The following UBE2K variants were observed in gnomAD, a reference collection of about 807,000 sequenced individuals.
The protein encoded by UBE2K is ubiquitin conjugating enzyme E2 K, also known as ubiquitin-conjugating enzyme E2 K.
Under a neutral mutation model 30.0 loss-of-function variants are expected in UBE2K, and 6 were observed. The ratio of observed to expected loss-of-function variants is 0.20; its 90% CI spans 0.11 to 0.39. UBE2K has a LOEUF of 0.39. Among genes scored for constraint, UBE2K ranks in the 10% least tolerant of loss-of-function variants. The probability of loss-of-function intolerance (pLI) is 1.00; values close to 1 mark genes in which losing one functional copy is unlikely to be tolerated. For missense variants in UBE2K, 61 were observed against 241.6 expected (o/e 0.25, Z 4.96); for synonymous variants, 86 against 83.7 (o/e 1.03, Z -0.15).
intron 2 of UBE2K, among the ~76,000 whole-genome samples, chr4:39,739,580 G>C (rs1006789643): frequency 1.3e-5 from 2 of 150,960 alleles, no homozygotes; most frequent in Admixed American, 6.6e-5. Flanking sequence ...CCGAGTAGCT[G>C]GTACTACAGG....
At chr4:39,725,965 A>C (rs937253907) in intron 1 of UBE2K, among the ~76,000 whole-genome samples, 2 of 151,032 alleles carry the variant, frequency 1.3e-5, no homozygotes, top group African/African-American at 4.9e-5. Flanking sequence ...ATAGTATTGT[A>C]AATATTTGGG....
intron 5 of UBE2K, among the ~76,000 whole-genome samples, chr4:39,777,012 A>G (rs1713321032): frequency 6.6e-6 from 1 of 152,220 alleles, no homozygotes; most frequent in African/African-American, 2.4e-5. Context: ...TTTTAAAAGA[A>G]ATATTAAAGT....
chr4:39,752,574 G>T (rs1721326826), intron 3 of UBE2K, among the ~76,000 whole-genome samples: 1 of 151,996 alleles, frequency 6.6e-6, no homozygotes, highest in Non-Finnish European at 1.5e-5. Context: ...CTGACCTTGT[G>T]ATCCACCTGC....
chr4:39,721,435 C>T (rs1719413190), intron 1 of UBE2K, among the ~76,000 whole-genome samples: 1 of 152,124 alleles, frequency 6.6e-6, no homozygotes, highest in Admixed American at 6.5e-5. Flanking sequence ...CTCACTGCGG[C>T]CTCAAACTCC....
intron 1 of UBE2K, among the ~76,000 whole-genome samples, chr4:39,731,572 C>G (rs767377132): frequency 6.6e-6 from 1 of 151,958 alleles, no homozygotes; most frequent in African/African-American, 2.4e-5. Flanking sequence ...ATCCCAGCTA[C>G]TTGGGAGGCT....
rs114736466 is a variant in UBE2K at position 39,734,805 on chromosome 4, G to A, written c.64-2615G>A. 6.3e-3 allele frequency among the ~76,000 whole-genome samples: 965 copies of A among 152,224 alleles called. 10 individuals are homozygous for A. The highest frequency in any genetic ancestry group is 0.022 in the African/African-American group (920 of 41,538). On this transcript the variant is annotated intron_variant, in intron 1 of 6. Coordinates refer to ENST00000261427, the MANE Select transcript of UBE2K (RefSeq NM_005339.5). Reference sequence around the variant, plus strand: ...CAGCCAGGGTGATGGGAGTGAGACCGTGTCTTAAACAAATAATAATAATTT... The same window carrying A: ...CAGCCAGGGTGATGGGAGTGAGACCATGTCTTAAACAAATAATAATAATTT...
At position 39,774,473 on chromosome 4, in the gene UBE2K, C is replaced by G. The variant is rs548619606; in HGVS notation, c.300-361C>G. ...AAAAAAATACAAAAAATTAGCTGGG[C>G]GTTAAGGCGGGCCCCTGTAGTCTCA... On this transcript the variant is annotated intron_variant, in intron 4 of 6. Coordinates refer to ENST00000261427, the MANE Select transcript of UBE2K (RefSeq NM_005339.5). 3.8e-4 allele frequency among the ~76,000 whole-genome samples: 57 copies of G among 148,946 alleles called. 1 individual carries two copies. In the South Asian group the frequency reaches 6.4e-3, roughly 17 times the overall value.
chr4:39,750,463 C>T (rs1229594369), intron 3 of UBE2K, among the ~76,000 whole-genome samples: 2 of 152,088 alleles, frequency 1.3e-5, no homozygotes, highest in African/African-American at 2.4e-5. Context: ...TTCAGATTTC[C>T]GTTTTTATTC....
At chr4:39,721,198 T>TAGAAG (rs2109327217) in intron 1 of UBE2K, among the ~76,000 whole-genome samples, 1 of 152,206 alleles carries the variant, frequency 6.6e-6, no homozygotes, top group Admixed American at 6.5e-5. Context: ...AAAATGAGAG[T>TAGAAG]TTCTTTAGTA....
At chr4:39,723,775 G>C (rs1578438070) in intron 1 of UBE2K, among the ~76,000 whole-genome samples, 1 of 152,088 alleles carries the variant, frequency 6.6e-6, no homozygotes, top group African/African-American at 2.4e-5. Flanking sequence ...TTGTTTCTCT[G>C]TGTTAATAAT....
chr4:39,705,091 T>C (rs1578413001), intron 1 of UBE2K, among the ~76,000 whole-genome samples: 1 of 149,354 alleles, frequency 6.7e-6, no homozygotes, highest in Admixed American at 6.7e-5. Flanking sequence ...TAGAGACGGG[T>C]TTTTACCGTA....
chr4:39,742,057 T>C (rs2109355705), intron 2 of UBE2K, among the ~76,000 whole-genome samples: 1 of 152,218 alleles, frequency 6.6e-6, no homozygotes, highest in South Asian at 2.1e-4. Flanking sequence ...TTTTAGAGAC[T>C]CTCGAGTCCA....
chr4:39,714,998 A>G (rs1055477564), intron 1 of UBE2K, among the ~76,000 whole-genome samples: 33 of 151,232 alleles, frequency 2.2e-4, no homozygotes, highest in Non-Finnish European at 3.5e-4. Flanking sequence ...AGCTGGGACT[A>G]CAGGTACAAG....
intron 1 of UBE2K, among the ~76,000 whole-genome samples, chr4:39,698,767 G>A (rs1453681321): frequency 1.3e-5 from 2 of 152,204 alleles, no homozygotes; most frequent in Admixed American, 1.3e-4. Flanking sequence ...TTGGGGGAAG[G>A]GGAAAGGTGG....
chr4:39,745,754 G>A lies in UBE2K; in HGVS notation c.160G>A (p.Gly54Arg). 6.2e-7 allele frequency: 1 copy of A among 1,602,464 alleles called. No individual in the cohort carries two copies. The highest frequency in any genetic ancestry group is 8.5e-7 in the Non-Finnish European group (1 of 1,172,850). ...CTTTGTTTTCCCCATTTTTTTAGGA[G>A]GAAGATACCAACTAGAGATAAAAAT... ...AGPPDTPYEG[G>R]RYQLEIKIPE... is the part of the protein sequence containing the mutation. The change falls in exon 3 of 7, where the codon GGA (glycine) becomes AGA (arginine). Residue 54 changes from glycine to arginine, a missense_variant and splice_region_variant. Gly to Arg is a moderately radical substitution (Grantham distance 125). Transcript: ENST00000261427.
intron 1 of UBE2K, among the ~76,000 whole-genome samples, chr4:39,703,092 C>G (rs1284940038): frequency 6.6e-6 from 1 of 151,962 alleles, no homozygotes; most frequent in Non-Finnish European, 1.5e-5. Context: ...CTCCTGGTTG[C>G]AAGCCATTCT....
intron 4 of UBE2K, chr4:39,770,326 T>C (rs1014373548): frequency 6.2e-7 from 1 of 1,613,358 alleles, no homozygotes; most frequent in Non-Finnish European, 8.5e-7. Context: ...CGATGCACGT[T>C]CCTGTGGTGG....
intron 4 of UBE2K, chr4:39,770,407 T>A: frequency 6.2e-7 from 1 of 1,613,014 alleles, no homozygotes; most frequent in Non-Finnish European, 8.5e-7. Flanking sequence ...TGCTGCCGCA[T>A]GTGGAAGACC....
chr4:39,757,035 T>G lies in UBE2K; in HGVS notation c.299+1296T>G, dbSNP rs1162616588. ...TGTTTTTTGTTTTTTGTTTTTTGTT[T>G]TTTTTTTGAGACAGAGTTTCACTCT... On this transcript the variant is annotated intron_variant, in intron 4 of 6. Transcript: ENST00000261427. 2.8e-5 allele frequency among the ~76,000 whole-genome samples: 4 copies of G among 145,166 alleles called. 1 individual carries two copies. Among genetic ancestry groups the G allele is most frequent in the African/African-American group, 9.9e-5 (4 of 40,298 alleles).
Sources: allele counts gnomAD v4.1 joint callset (sites outside exome capture counted in the v4.1 genomes callset), GRCh38; gene constraint gnomAD v4.1.1; transcripts MANE v1.5; gene names NCBI Gene and HGNC (gene_info 2026-07-23, HGNC 2026-07-21).